Variants in MEGF6 observed in about 807,000 individuals in gnomAD.
The protein encoded by MEGF6 is multiple epidermal growth factor-like domains protein 6.
MEGF6 carries 184 observed loss-of-function variants against 207.1 expected under a neutral mutation model. That is an observed-to-expected ratio of 0.89 (90% CI 0.79 to 1.00). The LOEUF (loss-of-function observed/expected upper bound fraction) is 1.00. Among genes scored for constraint, MEGF6 ranks in the 50% least tolerant of loss-of-function variants. The pLI is 0.00. For synonymous variants in MEGF6, 1,038 were observed against 910.0 expected (o/e 1.14, Z -2.53); for missense variants, 2,282 against 2,202.9 (o/e 1.04, Z -0.72).
In MEGF6 at chr1:3,506,313, C is replaced by T. The variant is rs1027165708; in HGVS notation, c.1790-77G>A. 47 of 1,522,060 alleles carry T rather than the reference C, an allele frequency of 3.1e-5. 1 individual carries two copies. Among genetic ancestry groups the T allele is most frequent in the Middle Eastern group, 4.7e-4 (2 of 4,234 alleles). 94.3% of individuals were successfully genotyped at this position (1,522,060 alleles called of 1,614,324 possible). On this transcript the variant is annotated intron_variant, in intron 14 of 36. Transcript: ENST00000356575. ...TGTGGTCCCCCCATGTGGTAGGATG[C>T]GCGGGGGCCCAGGGCCCAGCACAGG...
chr1:3,572,696 A>G (rs1356506993), intron 4 of MEGF6, among the ~76,000 whole-genome samples: 56 of 73,042 alleles, frequency 7.7e-4, no homozygotes, highest in Middle Eastern at 0.014. Context: ...GTCCTTCCTG[A>G]GTGTGTTAGG....
intron 5 of MEGF6, among the ~76,000 whole-genome samples, chr1:3,516,706 G>A (rs906894785): frequency 2.0e-5 from 3 of 152,208 alleles, no homozygotes; most frequent in Non-Finnish European, 4.4e-5. Flanking sequence ...GAGCAGCGGT[G>A]TTGCCTCTGG....
In MEGF6 at chr1:3,538,696, C is replaced by CTGTGTGTGTGTGTGTGTGTG. The variant is rs57325073; in HGVS notation, c.482-14470_482-14451dup. 1.3e-3 allele frequency among the ~76,000 whole-genome samples: 169 copies of CTGTGTGTGTGTGTGTGTGTG among 132,102 alleles called. 1 individual carries two copies. Among genetic ancestry groups the CTGTGTGTGTGTGTGTGTGTG allele is most frequent in the Middle Eastern group, 0.011 (3 of 268 alleles). 86.7% of individuals were successfully genotyped at this position (132,102 alleles called of 152,430 possible). A position where few individuals can be genotyped will look rare whatever the true frequency, so the allele number is the denominator to read the frequency against. On this transcript the variant is annotated intron_variant, in intron 4 of 36. Coordinates refer to ENST00000356575, the MANE Select transcript of MEGF6 (RefSeq NM_001409.4). The stretch of plus-strand genomic sequence containing the variant: ...TGCTGCCGGCCAGCAGAGCATGTGC[C>CTGTGTGTGTGTGTGTGTGTG]TGTGTGTGTGTGTGTGTGTGTGTGT...
In MEGF6 at chr1:3,494,708, T is replaced by C; in HGVS notation, c.3905A>G (p.Glu1302Gly). ...CCCATTTCTGCAGGAGCAGGTGTGC[T>C]CGCAGCCCACGCCAAACCGGTTCTG... ...CPQNRFGVGC[E>G]HTCSCRNGGL... The change falls in exon 31 of 37, where the codon GAG (glutamate) becomes GGG (glycine). Residue 1302 changes from glutamate to glycine, a missense_variant. Glu to Gly is a moderately conservative substitution (Grantham distance 98). Transcript: ENST00000356575. 1.3e-6 allele frequency: 2 copies of C among 1,588,048 alleles called. No homozygotes were observed. The highest frequency in any genetic ancestry group is 1.3e-5 in the African/African-American group (1 of 74,532).
intron 4 of MEGF6, among the ~76,000 whole-genome samples, chr1:3,569,803 C>T (rs903235970): frequency 2.0e-5 from 3 of 152,220 alleles, no homozygotes; most frequent in African/African-American, 7.2e-5. Flanking sequence ...AGAAGCCCCC[C>T]ACCCCACAAT....
rs1315261503 is a variant in MEGF6 at position 3,556,527 on chromosome 1, T to C, written c.481+23298A>G. ...GCCGCCCACCAGGTTTTCTGCCTGC[T>C]TCCCACTCCAGTGAGTCAGGAGCGG... On this transcript the variant is annotated intron_variant, in intron 4 of 36. Coordinates refer to ENST00000356575, the MANE Select transcript of MEGF6 (RefSeq NM_001409.4). The surrounding 1 kb of genome is among the most constrained non-coding windows in gnomAD (Gnocchi z 4.4). 6.6e-6 allele frequency among the ~76,000 whole-genome samples: 1 copy of C among 152,156 alleles called. No homozygotes were observed. The highest frequency in any genetic ancestry group is 1.5e-5 in the Non-Finnish European group (1 of 68,024).
In MEGF6 at chr1:3,498,692, G is replaced by A. The variant is rs376589685; in HGVS notation, c.3223+6C>T. 1.7e-5 allele frequency: 27 copies of A among 1,560,526 alleles called. No homozygotes were observed. The highest frequency in any genetic ancestry group is 5.4e-5 in the Admixed American group (3 of 55,058). ...GTATGTCCCTCCTCTGCCGCCCAGC[G>A]CTCACCCTTCTCACAGGCCAGGCCG... On this transcript the variant is annotated splice_donor_region_variant and intron_variant, in intron 25 of 36. Transcript: ENST00000356575.
chr1:3,511,977 C>T (rs754138322), intron 8 of MEGF6, 29 bp downstream of exon 8: 1 of 1,611,432 alleles, frequency 6.2e-7, no homozygotes, highest in Non-Finnish European at 8.5e-7. Context: ...TCCCGGGCAC[C>T]TTCAGCCTGT....
At chr1:3,568,576 G>GC (rs1475657184) in intron 4 of MEGF6, among the ~76,000 whole-genome samples, 8 of 152,168 alleles carry the variant, frequency 5.3e-5, no homozygotes, top group African/African-American at 1.9e-4. Flanking sequence ...CAGGCTAAGA[G>GC]CCCCCCAAAT....
Position 3,602,457 on chromosome 1 carries a change from T to C in MEGF6, c.266+9A>G, listed in dbSNP as rs1644175310. The C allele has an allele frequency of 1.9e-6, 3 of 1,613,120 alleles. No homozygotes were observed. The African/African-American group carries it at 4.0e-5, about 22-fold the overall frequency. Reference sequence around the variant, plus strand: ...GAGCCCCTCCCCCAACACGGGCCCCTGCACTTACCTCCGCTCATGACCCAC... The same window carrying C: ...GAGCCCCTCCCCCAACACGGGCCCCCGCACTTACCTCCGCTCATGACCCAC... On this transcript the variant is annotated intron_variant, in intron 2 of 36. Coordinates refer to ENST00000356575, the MANE Select transcript of MEGF6 (RefSeq NM_001409.4).
At chr1:3,561,127 G>T (rs1400945033) in intron 4 of MEGF6, among the ~76,000 whole-genome samples, 1 of 152,176 alleles carries the variant, frequency 6.6e-6, no homozygotes, top group Non-Finnish European at 1.5e-5. Flanking sequence ...AAGGGGAGGC[G>T]GCACGGCAGG....
chr1:3,508,221 T>G (rs1284759619), intron 13 of MEGF6, among the ~76,000 whole-genome samples: 1 of 152,192 alleles, frequency 6.6e-6, no homozygotes, highest in East Asian at 1.9e-4. Context: ...GAACCCCACC[T>G]GCCGGCTGCC....
rs576784897 is a variant in MEGF6 at position 3,489,452 on chromosome 1, C to T, written c.*1076G>A. ...AGGAGCCCCCAGCCACCACCTCTAC[C>T]CTCTGCCTCTTCCTTCCACTCTGGG... On this transcript the variant is annotated 3_prime_UTR_variant, in exon 37 of 37. Coordinates refer to ENST00000356575, the MANE Select transcript of MEGF6 (RefSeq NM_001409.4). 1.5e-4 allele frequency among the ~76,000 whole-genome samples: 23 copies of T among 152,342 alleles called. No individual in the cohort carries two copies. Among genetic ancestry groups the T allele is most frequent in the Non-Finnish European group, 2.1e-4 (14 of 68,022 alleles).
rs868659268 is a variant in MEGF6, at chr1:3,505,211, G to T, written c.2185C>A (p.Gln729Lys). ...PAGFQGEDCGQECPVGTFGVN... is the reference protein window; with the variant it reads ...PAGFQGEDCGKECPVGTFGVN... ...GCCCCAGGGGCCGGCCACTCACCTT[G>T]GCCACAGTCCTCTCCCTGGAAGCCA... Residue 729 changes from glutamine (Q) to lysine (K), a missense_variant, in exon 17 of 37, where the codon CAA becomes AAA. Transcript: ENST00000356575. 9 of 1,611,784 alleles carry T rather than the reference G, an allele frequency of 5.6e-6. No homozygotes were observed. In the Middle Eastern group the frequency reaches 1.5e-3, roughly 266 times the overall value.
chr1:3,567,929 C>T (rs970690887), intron 4 of MEGF6, among the ~76,000 whole-genome samples: 1 of 152,178 alleles, frequency 6.6e-6, no homozygotes, highest in African/African-American at 2.4e-5. Flanking sequence ...TCGGGCTCCC[C>T]CAGGCTGCTG....
chr1:3,544,021 G>C (rs925596008), intron 4 of MEGF6, among the ~76,000 whole-genome samples: 1 of 152,176 alleles, frequency 6.6e-6, no homozygotes, highest in South Asian at 2.1e-4. Context: ...ACCCGGAGCC[G>C]CTCTATCGCG....
chr1:3,537,564 C>T (rs1167277192), intron 4 of MEGF6, among the ~76,000 whole-genome samples: 2 of 152,222 alleles, frequency 1.3e-5, no homozygotes, highest in African/African-American at 4.8e-5. Flanking sequence ...GGCACCGGGC[C>T]CTGGGCTCTG....
At chr1:3,509,419 G>A (rs983171083) in intron 11 of MEGF6, among the ~76,000 whole-genome samples, 174 bp from the exon 12 acceptor site, 3 of 151,724 alleles carry the variant, frequency 2.0e-5, no homozygotes, top group African/African-American at 7.3e-5. Flanking sequence ...AGCTGCACCC[G>A]ACCCTCCTTC....
the MEGF6 span, among the ~76,000 whole-genome samples, chr1:3,617,719 G>A: frequency 1.3e-5 from 2 of 152,254 alleles, no homozygotes; most frequent in Non-Finnish European, 2.9e-5. Context: ...CCGGATGAGA[G>A]CATCCTGGAT....
Sources: allele counts gnomAD v4.1 joint callset (sites outside exome capture counted in the v4.1 genomes callset), GRCh38; gene constraint gnomAD v4.1.1; non-coding constraint Gnocchi (gnomAD v3.1); transcripts MANE v1.5; gene names NCBI Gene and HGNC (gene_info 2026-07-23, HGNC 2026-07-21).